Variants in ATAD2B observed in about 807,000 individuals in gnomAD.
ATAD2B encodes the protein ATPase family AAA domain-containing protein 2B.
ATAD2B carries 40 observed loss-of-function variants against 167.6 expected under a neutral mutation model. The ratio of observed to expected loss-of-function variants is 0.24; its 90% CI spans 0.19 to 0.31. The LOEUF is 0.31. Ranked by LOEUF, ATAD2B falls within the 10% of genes least tolerant of loss-of-function variation. The pLI is 1.00. For missense variants in ATAD2B, 1,242 were observed against 1,757.2 expected, an observed-to-expected ratio of 0.71 and a Z score of 5.24; for synonymous variants, 579 against 596.5, an observed-to-expected ratio of 0.97 and a Z score of 0.43.
At chr2:23,731,601 T>C in the ATAD2B span, among the ~76,000 whole-genome samples, 1 of 152,240 alleles carries the variant, frequency 6.6e-6, no homozygotes, top group Non-Finnish European at 1.5e-5. Context: ...AATCTTCTAG[T>C]AGCTGCATTA....
At chr2:23,880,217 T>C (rs1697664431) in intron 7 of ATAD2B, among the ~76,000 whole-genome samples, 1 of 152,200 alleles carries the variant, frequency 6.6e-6, no homozygotes, top group Non-Finnish European at 1.5e-5. Flanking sequence ...TGTAAATCAA[T>C]GCTGCTACCA....
At chr2:23,874,753 A>G (rs1558704878) in intron 8 of ATAD2B, among the ~76,000 whole-genome samples, 1 of 151,994 alleles carries the variant, frequency 6.6e-6, no homozygotes, top group Non-Finnish European at 1.5e-5. Flanking sequence ...TTTCTTCTAC[A>G]TGTAAAAGAA....
intron 13 of ATAD2B, among the ~76,000 whole-genome samples, chr2:23,838,313 T>C (rs530294508): frequency 3.9e-5 from 6 of 152,326 alleles, no homozygotes; most frequent in Admixed American, 2.0e-4. Flanking sequence ...CAATTACAGA[T>C]TGTCATTTCA....
intron 17 of ATAD2B, among the ~76,000 whole-genome samples, chr2:23,814,908 T>C (rs1686194422): frequency 6.6e-6 from 1 of 151,740 alleles, no homozygotes; most frequent in Non-Finnish European, 1.5e-5. Flanking sequence ...CAAAAAAAAT[T>C]AGCCAGGCGT....
chr2:23,832,316 G>A (rs866745935), intron 14 of ATAD2B: 1 of 423,388 alleles, frequency 2.4e-6, no homozygotes. Context: ...CCTTTCCACA[G>A]ACCCAGGCTT....
At chr2:23,699,343 G>A in the ATAD2B span, among the ~76,000 whole-genome samples, 2,094 of 152,308 alleles carry the variant, frequency 0.014, 20 homozygotes, top group Middle Eastern at 0.034. Context: ...CTCGCATTGC[G>A]TCCAGGCACT....
At position 23,922,701 on chromosome 2, in the gene ATAD2B, C is replaced by CAAAAAAAAAAAAAAAA. The variant is rs11386515; in HGVS notation, c.216+3853_216+3854insTTTTTTTTTTTTTTTT. On this transcript the variant is annotated intron_variant, in intron 1 of 27. Transcript: ENST00000238789. ...TGGGCATCAGAGTAAGACTCTGTCT[C>CAAAAAAAAAAAAAAAA]AAAAAAAAAAAAAAAGGGTCCTAAC... Among the ~76,000 whole-genome samples the CAAAAAAAAAAAAAAAA allele has an allele frequency of 2.1e-3, 260 of 126,248 alleles. 6 individuals are homozygous for CAAAAAAAAAAAAAAAA. The highest frequency in any genetic ancestry group is 6.9e-3 in the African/African-American group (215 of 31,102). 82.8% of individuals were successfully genotyped at this position (126,248 alleles called of 152,430 possible). A position where few individuals can be genotyped will look rare whatever the true frequency, so the allele number is the denominator to read the frequency against.
chr2:23,714,186 T>C, the ATAD2B span, among the ~76,000 whole-genome samples: 15 of 152,216 alleles, frequency 9.9e-5, no homozygotes, highest in African/African-American at 1.7e-4. Context: ...CAGAAAGTAA[T>C]TGTAATCTTG....
At chr2:23,719,153 A>G in the ATAD2B span, among the ~76,000 whole-genome samples, 2 of 152,218 alleles carry the variant, frequency 1.3e-5, no homozygotes, top group African/African-American at 4.8e-5. Flanking sequence ...CACAGCCCAC[A>G]GGAACTAGGC....
intron 9 of ATAD2B, among the ~76,000 whole-genome samples, chr2:23,869,005 A>G (rs1695543908): frequency 6.6e-6 from 1 of 152,184 alleles, no homozygotes; most frequent in Admixed American, 6.5e-5. Context: ...TTTTCTTTCC[A>G]TCATTCAGAT....
chr2:23,780,136 C>A (rs1011922882), intron 22 of ATAD2B, among the ~76,000 whole-genome samples: 1 of 151,834 alleles, frequency 6.6e-6, no homozygotes, highest in Admixed American at 6.6e-5. Flanking sequence ...TATTACCCAG[C>A]TACCAGGAGG....
intron 1 of ATAD2B, among the ~76,000 whole-genome samples, chr2:23,916,527 T>C (rs1703062537): frequency 6.6e-6 from 1 of 152,164 alleles, no homozygotes; most frequent in South Asian, 2.1e-4. Flanking sequence ...CTCCAAACCC[T>C]AATCACAAAA....
chr2:23,692,374 C>G, the ATAD2B span, among the ~76,000 whole-genome samples: 3 of 152,210 alleles, frequency 2.0e-5, no homozygotes, highest in Non-Finnish European at 4.4e-5. Context: ...CAGGAGCTCC[C>G]GGGGGGGTCG....
At chr2:23,733,903 C>T in the ATAD2B span, among the ~76,000 whole-genome samples, 1 of 152,032 alleles carries the variant, frequency 6.6e-6, no homozygotes, top group Non-Finnish European at 1.5e-5. Context: ...CCTTACTTTG[C>T]TTTATTCTAA....
chr2:23,740,415 G>A, the ATAD2B span, among the ~76,000 whole-genome samples: 3 of 151,866 alleles, frequency 2.0e-5, no homozygotes, highest in Admixed American at 2.0e-4. Flanking sequence ...ATCAATAAAT[G>A]TAATCCAGCA....
chr2:23,706,605 C>G, the ATAD2B span: 2 of 1,537,076 alleles, frequency 1.3e-6, no homozygotes, highest in East Asian at 4.9e-5. Flanking sequence ...CCCCCACATG[C>G]CCTGCCCTGT....
At chr2:23,864,158 C>G (rs1490202178) in intron 11 of ATAD2B, among the ~76,000 whole-genome samples, 1 of 151,922 alleles carries the variant, frequency 6.6e-6, no homozygotes, top group South Asian at 2.1e-4. Context: ...AGGCATGACA[C>G]CACCCCTAGC....
intron 8 of ATAD2B, among the ~76,000 whole-genome samples, chr2:23,875,586 G>A (rs577474624): frequency 2.0e-5 from 3 of 151,818 alleles, no homozygotes; most frequent in Non-Finnish European, 2.9e-5. Context: ...AGATTAACTC[G>A]AATCAGTGCT....
chr2:23,893,712 C>G (rs561228056), intron 2 of ATAD2B, among the ~76,000 whole-genome samples: 1 of 149,574 alleles, frequency 6.7e-6, no homozygotes, highest in African/African-American at 2.5e-5. Flanking sequence ...CTCTGCCACC[C>G]GGGATGGAGT....
Sources: allele counts gnomAD v4.1 joint callset (sites outside exome capture counted in the v4.1 genomes callset), GRCh38; gene constraint gnomAD v4.1.1; transcripts MANE v1.5; gene names NCBI Gene and HGNC (gene_info 2026-07-23, HGNC 2026-07-21).